Variants in ASB13 observed in about 807,000 individuals in gnomAD.
ASB13 encodes the protein ankyrin repeat and SOCS box protein 13.
ASB13 carries 33 observed loss-of-function variants against 28.8 expected under a neutral mutation model. The observed-to-expected ratio is 1.15, with a 90% confidence interval of 0.87 to 1.53. The LOEUF is 1.53. Ranked by LOEUF, ASB13 falls within the 40% of genes most tolerant of loss-of-function variation. The pLI, the probability that ASB13 is intolerant of heterozygous loss-of-function variation, is 0.00. For synonymous variants in ASB13, 182 were observed against 172.9 expected, an observed-to-expected ratio of 1.05 and a Z score of -0.41; for missense variants, 414 against 390.1, an observed-to-expected ratio of 1.06 and a Z score of -0.52.
At chr10:5,653,132 T>C (rs899976187) in intron 1 of ASB13, 82 bp from the exon 2 acceptor site, 1 of 1,340,782 alleles carries the variant, frequency 7.5e-7, no homozygotes, top group Non-Finnish European at 1.0e-6. Flanking sequence ...CCAGGGTCCC[T>C]GATGCCACCA....
In ASB13 at chr10:5,660,035, C is replaced by T. The variant is rs1229157202; in HGVS notation, c.43+6474G>A. Among the ~76,000 whole-genome samples, 9 of 152,174 alleles carry T rather than the reference C, an allele frequency of 5.9e-5. No homozygotes were observed. Among genetic ancestry groups the T allele is most frequent in the Admixed American group, 5.9e-4 (9 of 15,286 alleles). On this transcript the variant is annotated intron_variant, in intron 1 of 5. Transcript: ENST00000357700. The surrounding 1 kb of genome is among the most constrained non-coding windows in gnomAD (Gnocchi z 6.1). ...AGCCCTGGTGACTCATGACCCAGTCCTGATGGCTGGATTCTACCCACTTCC... is the reference window on the plus strand; with the variant it reads ...AGCCCTGGTGACTCATGACCCAGTCTTGATGGCTGGATTCTACCCACTTCC...
Position 5,661,236 on chromosome 10 carries a change from C to T in ASB13, c.43+5273G>A, listed in dbSNP as rs2131457736. Among the ~76,000 whole-genome samples the T allele has an allele frequency of 6.6e-6, 1 of 152,302 alleles. No homozygotes were observed. On this transcript the variant is annotated intron_variant, in intron 1 of 5. Coordinates refer to ENST00000357700, the MANE Select transcript of ASB13 (RefSeq NM_024701.4). The surrounding 1 kb of genome is among the most constrained non-coding windows in gnomAD (Gnocchi z 4.9). ...GGGCACCTCCAGAGCCCATCCTCCA[C>T]ACTGCCCTGCCTGCACCCACACTGG...
chr10:5,645,875 G>C lies in ASB13; in HGVS notation c.517+3095C>G, dbSNP rs551271433. ...TTAAAAATCTGTTTGTGAGGACGTA[G>C]GGGATGCTGTTGTTTCTCTCTCCTC... On this transcript the variant is annotated intron_variant, in intron 4 of 5. Coordinates refer to ENST00000357700, the MANE Select transcript of ASB13 (RefSeq NM_024701.4). This position sits in a 1 kb window ranked among gnomAD's most constrained non-coding sequence, Gnocchi z 5.4. 7.9e-5 allele frequency among the ~76,000 whole-genome samples: 12 copies of C among 152,178 alleles called. No homozygotes were observed. The highest frequency in any genetic ancestry group is 1.6e-4 in the Non-Finnish European group (11 of 68,032).
In ASB13 at chr10:5,641,856, A is replaced by G. The variant is rs1474277366; in HGVS notation, c.623T>C (p.Ile208Thr). 6.2e-7 allele frequency: 1 copy of G among 1,614,074 alleles called. No homozygotes were observed. The highest frequency in any genetic ancestry group is 8.5e-7 in the Non-Finnish European group (1 of 1,179,988). ...CTTCCCGCGGTTGTCCCGGGCGTAG[A>G]TGTTGCCGCCAAACTCGATAAGCAT... ...IEMLIEFGGNIYARDNRGKKP... is the reference protein window; with the variant it reads ...IEMLIEFGGNTYARDNRGKKP... The change falls in exon 5 of 6, where the codon ATC becomes ACC. Residue 208 changes from isoleucine (I) to threonine (T), a missense_variant. By Grantham distance (89) the Ile-to-Thr change is moderately conservative (BLOSUM62 -1). Coordinates refer to ENST00000357700, the MANE Select transcript of ASB13 (RefSeq NM_024701.4). This position sits in a 1 kb window ranked among gnomAD's most constrained non-coding sequence, Gnocchi z 8.4.
At position 5,656,130 on chromosome 10, in the gene ASB13, C is replaced by T. The variant is rs1010303921; in HGVS notation, c.44-3080G>A. 6.6e-6 allele frequency among the ~76,000 whole-genome samples: 1 copy of T among 152,180 alleles called. No homozygotes were observed. The highest frequency in any genetic ancestry group is 1.9e-4 in the East Asian group (1 of 5,188). ...CTGCAGCCGGGTCTATCTCAGGCAC[C>T]GCTTATTCACCTCTGTACCCCAGAA... is the stretch of plus-strand genomic sequence containing the variant. On this transcript the variant is annotated intron_variant, in intron 1 of 5. Coordinates refer to ENST00000357700, the MANE Select transcript of ASB13 (RefSeq NM_024701.4). This position sits in a 1 kb window ranked among gnomAD's most constrained non-coding sequence, Gnocchi z 4.3.
At chr10:5,648,936 A>G in intron 4 of ASB13, 34 bp downstream of exon 4, 2 of 1,608,154 alleles carry the variant, frequency 1.2e-6, no homozygotes, top group Non-Finnish European at 1.7e-6. Flanking sequence ...ACACCCACTC[A>G]GGTAAACACC....
In ASB13 at chr10:5,641,177, C is replaced by G. The variant is rs1456691183; in HGVS notation, c.710-347G>C. Among the ~76,000 whole-genome samples the G allele has an allele frequency of 6.6e-6, 1 of 152,196 alleles. No homozygotes were observed. The highest frequency in any genetic ancestry group is 2.4e-5 in the African/African-American group (1 of 41,442). Reference sequence around the variant, plus strand: ...AGTGCAGCGGCACAATCTCAGCTCACTGCAACCTCCGCCTCCTGCATTCAA... The same window carrying G: ...AGTGCAGCGGCACAATCTCAGCTCAGTGCAACCTCCGCCTCCTGCATTCAA... On this transcript the variant is annotated intron_variant, in intron 5 of 5. Coordinates refer to ENST00000357700, the MANE Select transcript of ASB13 (RefSeq NM_024701.4). The surrounding 1 kb of genome is among the most constrained non-coding windows in gnomAD (Gnocchi z 8.4).
In ASB13 at chr10:5,655,764, G is replaced by A. The variant is rs1452513350; in HGVS notation, c.44-2714C>T. ...ATCCGCAGGGAGCAAAATCCTAAGGGTAGAAGGAGAGGCTGCCACTTGAAA... is the reference window on the plus strand; with the variant it reads ...ATCCGCAGGGAGCAAAATCCTAAGGATAGAAGGAGAGGCTGCCACTTGAAA... On this transcript the variant is annotated intron_variant, in intron 1 of 5. Coordinates refer to ENST00000357700, the MANE Select transcript of ASB13 (RefSeq NM_024701.4). The surrounding 1 kb of genome is among the most constrained non-coding windows in gnomAD (Gnocchi z 6.2). Among the ~76,000 whole-genome samples, 1 of 152,170 alleles carries A rather than the reference G, an allele frequency of 6.6e-6. No individual in the cohort carries two copies. The highest frequency in any genetic ancestry group is 2.4e-5 in the African/African-American group (1 of 41,428).
At chr10:5,643,543 T>A (rs1834840062) in intron 4 of ASB13, among the ~76,000 whole-genome samples, 1 of 152,232 alleles carries the variant, frequency 6.6e-6, no homozygotes, top group Non-Finnish European at 1.5e-5. Context: ...CTTATCTATG[T>A]CCTGAATTTG....
rs894909193 is a variant in ASB13 at position 5,642,299 on chromosome 10, CGGAAGCT to C, written c.518-345_518-339del. The stretch of plus-strand genomic sequence containing the variant: ...CTGCCTTCAGGGGTCCTGAGATTTC[CGGAAGCT>C]CAAACCAGAGCCACTCAAGCACTCC... On this transcript the variant is annotated intron_variant, in intron 4 of 5. Transcript: ENST00000357700. This position sits in a 1 kb window ranked among gnomAD's most constrained non-coding sequence, Gnocchi z 4.1. Among the ~76,000 whole-genome samples, 4 of 152,152 alleles carry C rather than the reference CGGAAGCT, an allele frequency of 2.6e-5. No individual in the cohort carries two copies. The highest frequency in any genetic ancestry group is 9.7e-5 in the African/African-American group (4 of 41,446).
At position 5,661,813 on chromosome 10, in the gene ASB13, A is replaced by T. The variant is rs2131458280; in HGVS notation, c.43+4696T>A. On this transcript the variant is annotated intron_variant, in intron 1 of 5. Transcript: ENST00000357700. This position sits in a 1 kb window ranked among gnomAD's most constrained non-coding sequence, Gnocchi z 4.9. ...AGGCCCAGCCCAGAATGCACTCTTAAATGTTGCTGGAGTCAGAAATTTTGT... is the reference window on the plus strand; with the variant it reads ...AGGCCCAGCCCAGAATGCACTCTTATATGTTGCTGGAGTCAGAAATTTTGT... Among the ~76,000 whole-genome samples the T allele has an allele frequency of 6.6e-6, 1 of 152,298 alleles. No homozygotes were observed. Among genetic ancestry groups the T allele is most frequent in the Non-Finnish European group, 1.5e-5 (1 of 68,028 alleles).
Position 5,656,474 on chromosome 10 carries a change from G to T in ASB13, c.44-3424C>A, listed in dbSNP as rs969225084. On this transcript the variant is annotated intron_variant, in intron 1 of 5. Transcript: ENST00000357700. The surrounding 1 kb of genome is among the most constrained non-coding windows in gnomAD (Gnocchi z 4.3). ...GAATCGCTTGAACCCAGGAGGCGGA[G>T]ATTGCAGTGAGCTGAGATCGCACCA... Among the ~76,000 whole-genome samples, 2 of 151,684 alleles carry T rather than the reference G, an allele frequency of 1.3e-5. No individual in the cohort carries two copies. The highest frequency in any genetic ancestry group is 2.9e-5 in the Non-Finnish European group (2 of 67,982).
At chr10:5,648,166 C>T (rs1175909019) in intron 4 of ASB13, among the ~76,000 whole-genome samples, 2 of 150,846 alleles carry the variant, frequency 1.3e-5, no homozygotes, top group Non-Finnish European at 1.5e-5. Flanking sequence ...TAAACACTCA[C>T]GGGGGTAAAC....
rs1010448456 is a variant in ASB13, at chr10:5,650,478, T to C, written c.382+735A>G. 3.9e-5 allele frequency among the ~76,000 whole-genome samples: 6 copies of C among 152,186 alleles called. No individual in the cohort carries two copies. The highest frequency in any genetic ancestry group is 7.3e-5 in the Non-Finnish European group (5 of 68,036). On this transcript the variant is annotated intron_variant, in intron 3 of 5. Transcript: ENST00000357700. This position sits in a 1 kb window ranked among gnomAD's most constrained non-coding sequence, Gnocchi z 6.0. ...CCTGCCAGCACCGTGGAAGGGCACA[T>C]ACCCCATACCCTGCACCCCAGATGT...
chr10:5,640,890 AAT>A, intron 5 of ASB13, 60 bp from the exon 6 acceptor site: 1 of 1,594,850 alleles, frequency 6.3e-7, no homozygotes, highest in Non-Finnish European at 8.6e-7. Flanking sequence ...CAACACCTGC[AAT>A]GGAACACAAA....
chr10:5,662,565 G>GGAGAAGAGAAGAGAAGAGAA (rs1191915063), intron 1 of ASB13, among the ~76,000 whole-genome samples: 314 of 14,572 alleles, frequency 0.022, 37 homozygotes, highest in Middle Eastern at 0.067. Context: ...GGAGGGGAGG[G>GGAGAAGAGAAGAGAAGAGAA]GAGAAGAGAA....
Position 5,655,192 on chromosome 10 carries a change from C to T in ASB13, c.44-2142G>A, listed in dbSNP as rs1379478907. Among the ~76,000 whole-genome samples, 3 of 152,096 alleles carry T rather than the reference C, an allele frequency of 2.0e-5. No homozygotes were observed. Among genetic ancestry groups the T allele is most frequent in the Non-Finnish European group, 4.4e-5 (3 of 68,010 alleles). On this transcript the variant is annotated intron_variant, in intron 1 of 5. Coordinates refer to ENST00000357700, the MANE Select transcript of ASB13 (RefSeq NM_024701.4). The surrounding 1 kb of genome is among the most constrained non-coding windows in gnomAD (Gnocchi z 6.2). The stretch of plus-strand genomic sequence containing the variant: ...GCTGACGACTCTGCTTTTAGAGATC[C>T]CCACATTGCCACCTTCCCCCACCTC...
rs1835004455 is a variant in ASB13 at position 5,652,574 on chromosome 10, C to A, written c.231+289G>T. Among the ~76,000 whole-genome samples the A allele has an allele frequency of 6.6e-6, 1 of 152,234 alleles. No individual in the cohort carries two copies. On this transcript the variant is annotated intron_variant, in intron 2 of 5. Coordinates refer to ENST00000357700, the MANE Select transcript of ASB13 (RefSeq NM_024701.4). This position sits in a 1 kb window ranked among gnomAD's most constrained non-coding sequence, Gnocchi z 5.0. ...GCAGCAGCTCTGCACCCAGGCCTGG[C>A]TGCCCCTGAGAGAGCCTGTGTCTAG...
chr10:5,661,159 A>G lies in ASB13; in HGVS notation c.43+5350T>C, dbSNP rs1044604855. On this transcript the variant is annotated intron_variant, in intron 1 of 5. Transcript: ENST00000357700. This position sits in a 1 kb window ranked among gnomAD's most constrained non-coding sequence, Gnocchi z 4.9. The stretch of plus-strand genomic sequence containing the variant: ...GCCCAGGCCCGGCCACCCCCTAGAG[A>G]GCCTGTGTCTAGGAGGCAGCTGGCC... Among the ~76,000 whole-genome samples, 2 of 151,764 alleles carry G rather than the reference A, an allele frequency of 1.3e-5. No individual in the cohort carries two copies. Among genetic ancestry groups the G allele is most frequent in the African/African-American group, 4.8e-5 (2 of 41,278 alleles).
Sources: allele counts gnomAD v4.1 joint callset (sites outside exome capture counted in the v4.1 genomes callset), GRCh38; gene constraint gnomAD v4.1.1; non-coding constraint Gnocchi (gnomAD v3.1); transcripts MANE v1.5; gene names NCBI Gene and HGNC (gene_info 2026-07-23, HGNC 2026-07-21).